The following ADAM12 variants were observed in gnomAD, a reference collection of about 807,000 sequenced individuals.
ADAM12 encodes the protein ADAM metallopeptidase domain 12.
Under a neutral mutation model 106.4 loss-of-function variants are expected in ADAM12, and 70 were observed. That is an observed-to-expected ratio of 0.66 (90% CI 0.54 to 0.80). The LOEUF (loss-of-function observed/expected upper bound fraction) is 0.80. Among genes scored for constraint, ADAM12 ranks in the 30% least tolerant of loss-of-function variants. ADAM12 has a pLI of 0.00. For missense variants in ADAM12, 1,010 were observed against 1,171.9 expected (o/e 0.86, Z 2.02); for synonymous variants, 420 against 433.5 (o/e 0.97, Z 0.39).
chr10:126,038,772 T>C (rs1954102654), intron 19 of ADAM12, among the ~76,000 whole-genome samples: 1 of 152,134 alleles, frequency 6.6e-6, no homozygotes, highest in South Asian at 2.1e-4. Context: ...CTAGCTTATG[T>C]AATAAGCAGC....
chr10:126,341,658 G>A (rs1333016471), intron 1 of ADAM12, among the ~76,000 whole-genome samples: 14 of 152,252 alleles, frequency 9.2e-5, no homozygotes, highest in African/African-American at 2.6e-4. Context: ...AAATTAAGAG[G>A]AGAACAGAGA....
intron 2 of ADAM12, among the ~76,000 whole-genome samples, chr10:126,314,887 T>C (rs941429301): frequency 6.6e-6 from 1 of 152,126 alleles, no homozygotes; most frequent in African/African-American, 2.4e-5. Context: ...AAACCCCTGC[T>C]ATGAGGCTTT....
chr10:126,337,416 T>C (rs2133862673), intron 1 of ADAM12, among the ~76,000 whole-genome samples: 1 of 152,032 alleles, frequency 6.6e-6, no homozygotes, highest in East Asian at 1.9e-4. Context: ...AGTCCAAAGG[T>C]CAAAGAACCT....
intron 2 of ADAM12, among the ~76,000 whole-genome samples, chr10:126,314,149 T>C (rs951621803): frequency 6.6e-6 from 1 of 152,102 alleles, no homozygotes; most frequent in East Asian, 1.9e-4. Context: ...ACCACCGACC[T>C]GAGCAGGTTG....
At chr10:126,375,971 G>A (rs1421314606) in intron 1 of ADAM12, among the ~76,000 whole-genome samples, 1 of 151,352 alleles carries the variant, frequency 6.6e-6, no homozygotes, top group African/African-American at 2.4e-5. Context: ...AAATTTCTGG[G>A]CTCAAGTAAT....
chr10:126,344,854 G>T (rs1010736574), intron 1 of ADAM12, among the ~76,000 whole-genome samples: 1 of 152,120 alleles, frequency 6.6e-6, no homozygotes. Flanking sequence ...GAATGCTTGT[G>T]ATTTTTGCAC....
chr10:126,037,901 G>A (rs528663231), intron 20 of ADAM12, among the ~76,000 whole-genome samples: 4 of 152,340 alleles, frequency 2.6e-5, no homozygotes, highest in African/African-American at 9.6e-5. Context: ...GGCATTGGGG[G>A]CTGGTGTCAG....
intron 1 of ADAM12, among the ~76,000 whole-genome samples, chr10:126,356,438 T>C (rs1855543151): frequency 6.6e-6 from 1 of 152,198 alleles, no homozygotes; most frequent in South Asian, 2.1e-4. Context: ...TTTGCCTGCC[T>C]GGGGTCATTA....
At chr10:126,038,415 A>C in intron 19 of ADAM12, 66 bp from the exon 20 acceptor site, 1 of 1,321,454 alleles carries the variant, frequency 7.6e-7, no homozygotes, top group Non-Finnish European at 1.0e-6. Context: ...GACTTTTTAC[A>C]CTTTGCTCAT....
At chr10:126,024,856 A>AG (rs1434626335) in intron 21 of ADAM12, among the ~76,000 whole-genome samples, 2 of 151,740 alleles carry the variant, frequency 1.3e-5, no homozygotes, top group Non-Finnish European at 2.9e-5. Flanking sequence ...GAGAACAAAA[A>AG]AAAAAAGCAG....
chr10:126,166,501 G>GT (rs1284112556), intron 3 of ADAM12, among the ~76,000 whole-genome samples: 2 of 151,568 alleles, frequency 1.3e-5, no homozygotes, highest in African/African-American at 4.9e-5. Context: ...CTTTTTTTTT[G>GT]TTTTTTGTTT....
intron 1 of ADAM12, among the ~76,000 whole-genome samples, chr10:126,339,401 G>A (rs943815732): frequency 4.6e-5 from 7 of 152,052 alleles, no homozygotes; most frequent in Non-Finnish European, 8.8e-5. Context: ...CACATTCATC[G>A]CCCTTTCTTA....
chr10:126,217,431 G>A (rs1449249712), intron 3 of ADAM12, among the ~76,000 whole-genome samples: 1 of 150,942 alleles, frequency 6.6e-6, no homozygotes, highest in African/African-American at 2.4e-5. Flanking sequence ...GCAATGGCGC[G>A]ATCTTGGCTC....
chr10:126,072,556 T>C (rs1261113161), intron 11 of ADAM12, among the ~76,000 whole-genome samples: 1 of 152,178 alleles, frequency 6.6e-6, no homozygotes, highest in Non-Finnish European at 1.5e-5. Flanking sequence ...CATCTGGTCC[T>C]AACTCACTGT....
At chr10:126,347,770 G>A (rs569389584) in intron 1 of ADAM12, among the ~76,000 whole-genome samples, 5 of 152,246 alleles carry the variant, frequency 3.3e-5, no homozygotes, top group Non-Finnish European at 5.9e-5. Context: ...TAATTAGCCT[G>A]TTTTTCTCTT....
chr10:126,106,290 T>C (rs1955766027), intron 8 of ADAM12, among the ~76,000 whole-genome samples: 1 of 152,032 alleles, frequency 6.6e-6, no homozygotes, highest in Non-Finnish European at 1.5e-5. Context: ...CAGCCTCCTC[T>C]GCTTTAAAAA....
At chr10:126,206,846 A>C (rs1957803779) in intron 3 of ADAM12, among the ~76,000 whole-genome samples, 1 of 50,422 alleles carries the variant, frequency 2.0e-5, no homozygotes, top group African/African-American at 6.3e-5. Flanking sequence ...CTGAATTCCC[A>C]TGTGTTGTGG....
intron 3 of ADAM12, among the ~76,000 whole-genome samples, chr10:126,206,426 G>A (rs372534116): frequency 1.3e-3 from 201 of 152,216 alleles, no homozygotes; most frequent in Non-Finnish European, 2.2e-3. Context: ...AAACACAAGC[G>A]TCAAAGTGAA....
rs1953625304 is a variant in ADAM12, at chr10:126,014,446, CA to C, written c.*2832del. 1 of 141,246 alleles carries C rather than the reference CA, an allele frequency of 7.1e-6. No individual in the cohort carries two copies. Among genetic ancestry groups the C allele is most frequent in the Non-Finnish European group, 1.5e-5 (1 of 66,324 alleles). The allele number at this position is 141,246 out of a possible 1,614,324, so 8.7% of individuals were successfully genotyped here. ...AAAATGCCCCCCCCCCGAGACTCGT[CA>C]GGAGTATTGACTCTCCTACAGTTTA... On this transcript the variant is annotated 3_prime_UTR_variant, in exon 23 of 23. Transcript: ENST00000448723.
Sources: allele counts gnomAD v4.1 joint callset (sites outside exome capture counted in the v4.1 genomes callset), GRCh38; gene constraint gnomAD v4.1.1; transcripts MANE v1.5; gene names NCBI Gene and HGNC (gene_info 2026-07-23, HGNC 2026-07-21).